Variants in PRDM5 observed in about 807,000 individuals in gnomAD.
PRDM5 encodes the protein PR domain zinc finger protein 5.
PRDM5 carries 56 observed loss-of-function variants against 81.2 expected under a neutral mutation model. That is an observed-to-expected ratio of 0.69 (90% confidence interval 0.56 to 0.86). PRDM5 has a LOEUF of 0.86. Among genes scored for constraint, PRDM5 ranks in the 40% least tolerant of loss-of-function variants. The probability of loss-of-function intolerance (pLI) is 0.00; values close to 1 mark genes in which losing one functional copy is unlikely to be tolerated. For missense variants in PRDM5, 697 were observed against 770.1 expected (o/e 0.91, Z 1.12); for synonymous variants, 267 against 256.4 (o/e 1.04, Z -0.39).
rs200535782 is a variant in PRDM5, at chr4:120,828,023, G to A, written c.301-6678C>T. On this transcript the variant is annotated intron_variant, in intron 3 of 15. Transcript: ENST00000264808. Reference sequence around the variant, plus strand: ...TTTATATAGCACTTTGCAGTTTCTAGTTTTTCATGTACTTTGTCTCATCTT... The same window carrying A: ...TTTATATAGCACTTTGCAGTTTCTAATTTTTCATGTACTTTGTCTCATCTT... 3.0e-4 allele frequency among the ~76,000 whole-genome samples: 46 copies of A among 152,138 alleles called. No homozygotes were observed. The East Asian group carries it at 5.6e-3, about 19-fold the overall frequency.
At chr4:120,826,798 T>C (rs976802488) in intron 3 of PRDM5, among the ~76,000 whole-genome samples, 2 of 152,140 alleles carry the variant, frequency 1.3e-5, no homozygotes, top group African/African-American at 2.4e-5. Context: ...GGAAAGCAGA[T>C]GCCATTTCCT....
intron 2 of PRDM5, among the ~76,000 whole-genome samples, chr4:120,868,310 C>A (rs1761422051): frequency 3.9e-5 from 6 of 152,116 alleles, no homozygotes; most frequent in Admixed American, 3.9e-4. Flanking sequence ...GGGTTTGGGA[C>A]ACCATTCCAT....
intron 13 of PRDM5, among the ~76,000 whole-genome samples, chr4:120,764,955 A>C (rs1295558931): frequency 1.3e-5 from 2 of 152,168 alleles, no homozygotes. Flanking sequence ...ATGTTGTTTT[A>C]AAATGTTTAC....
chr4:120,851,630 A>C (rs915881727), intron 3 of PRDM5, among the ~76,000 whole-genome samples: 2 of 152,104 alleles, frequency 1.3e-5, no homozygotes, highest in Non-Finnish European at 2.9e-5. Flanking sequence ...GCAAAAAGGG[A>C]CAGTAGTCAC....
At chr4:120,709,438 T>C (rs1736638656) in intron 15 of PRDM5, among the ~76,000 whole-genome samples, 1 of 152,216 alleles carries the variant, frequency 6.6e-6, no homozygotes, top group African/African-American at 2.4e-5. Context: ...GAGTACATTG[T>C]TGTCTTAACC....
chr4:120,766,526 T>C (rs1746412698), intron 13 of PRDM5, among the ~76,000 whole-genome samples: 1 of 152,218 alleles, frequency 6.6e-6, no homozygotes, highest in African/African-American at 2.4e-5. Flanking sequence ...ATGTTAAAGT[T>C]ATCTTCAATT....
chr4:120,703,406 T>C (rs1033505607), intron 15 of PRDM5, among the ~76,000 whole-genome samples: 2 of 152,074 alleles, frequency 1.3e-5, no homozygotes, highest in Non-Finnish European at 2.9e-5. Flanking sequence ...CCCAGATTGG[T>C]CTTGAACTCC....
intron 10 of PRDM5, among the ~76,000 whole-genome samples, chr4:120,788,775 T>C (rs13111620): frequency 0.2 from 29,915 of 152,170 alleles, 3,232 homozygotes; most frequent in Non-Finnish European, 0.24. Context: ...AGTAGTAAGA[T>C]GTCTGTGCAT....
chr4:120,878,626 A>G (rs1384882217), intron 2 of PRDM5, among the ~76,000 whole-genome samples: 1 of 152,212 alleles, frequency 6.6e-6, no homozygotes, highest in Non-Finnish European at 1.5e-5. Flanking sequence ...GTGCACAAAA[A>G]GATGAGCCAC....
chr4:120,748,645 A>ATC (rs2149134875), intron 14 of PRDM5, among the ~76,000 whole-genome samples: 1 of 151,596 alleles, frequency 6.6e-6, no homozygotes, highest in African/African-American at 2.4e-5. Context: ...TCTCTCTCAA[A>ATC]AAAAAAAAAA....
At chr4:120,905,329 T>G (rs1765676663) in intron 2 of PRDM5, among the ~76,000 whole-genome samples, 1 of 152,224 alleles carries the variant, frequency 6.6e-6, no homozygotes, top group Non-Finnish European at 1.5e-5. Flanking sequence ...TAGTTTTATG[T>G]ATACTATGGA....
chr4:120,702,108 C>T (rs74905157), intron 15 of PRDM5, among the ~76,000 whole-genome samples: 7,264 of 152,224 alleles, frequency 0.048, 333 homozygotes, highest in African/African-American at 0.12. Flanking sequence ...GTGCAGGACA[C>T]GCTCATACAA....
chr4:120,892,165 C>G (rs1409981030), intron 2 of PRDM5, among the ~76,000 whole-genome samples: 1 of 152,010 alleles, frequency 6.6e-6, no homozygotes, highest in Non-Finnish European at 1.5e-5. Flanking sequence ...GCACTGTGGT[C>G]TGAAAGTGTG....
Position 120,827,270 on chromosome 4 carries a change from G to A in PRDM5, c.301-5925C>T, listed in dbSNP as rs144206214. Among the ~76,000 whole-genome samples, 285 of 152,186 alleles carry A rather than the reference G, an allele frequency of 1.9e-3. 2 individuals carry two copies. The highest frequency in any genetic ancestry group is 6.5e-3 in the African/African-American group (271 of 41,526). On this transcript the variant is annotated intron_variant, in intron 3 of 15. Transcript: ENST00000264808. ...ATATAATATGGAATTCAGATTTGCTGGCAAACACACACACAAAAGCTTCTC... is the reference window on the plus strand; with the variant it reads ...ATATAATATGGAATTCAGATTTGCTAGCAAACACACACACAAAAGCTTCTC...
At chr4:120,915,843 G>A (rs1444803017) in intron 1 of PRDM5, among the ~76,000 whole-genome samples, 4 of 152,060 alleles carry the variant, frequency 2.6e-5, no homozygotes, top group Non-Finnish European at 5.9e-5. Flanking sequence ...CCAGTGCCCA[G>A]GCAGAGAAAC....
At chr4:120,828,038 T>C (rs1223805008) in intron 3 of PRDM5, among the ~76,000 whole-genome samples, 1 of 152,098 alleles carries the variant, frequency 6.6e-6, no homozygotes, top group Non-Finnish European at 1.5e-5. Context: ...TCATGTACTT[T>C]GTCTCATCTT....
chr4:120,869,867 T>A (rs950112106), intron 2 of PRDM5, among the ~76,000 whole-genome samples: 3 of 152,122 alleles, frequency 2.0e-5, no homozygotes, highest in Non-Finnish European at 4.4e-5. Flanking sequence ...GCATCTGAGA[T>A]CTTGTGAAAT....
intron 1 of PRDM5, among the ~76,000 whole-genome samples, chr4:120,921,222 C>A (rs1724869620): frequency 6.6e-6 from 1 of 152,150 alleles, no homozygotes; most frequent in Non-Finnish European, 1.5e-5. Context: ...AGAATTTCAA[C>A]TCTGTACAGA....
chr4:120,771,362 A>C (rs7696791), intron 13 of PRDM5, among the ~76,000 whole-genome samples: 1 of 152,132 alleles, frequency 6.6e-6, no homozygotes, highest in Non-Finnish European at 1.5e-5. Context: ...GGTTACTATG[A>C]TTTAATTTCA....
Sources: gnomAD v4.1 joint callset for allele counts (sites outside exome capture counted in the v4.1 genomes callset) on GRCh38, gnomAD v4.1.1 for gene constraint, MANE v1.5 for transcripts, NCBI Gene and HGNC (gene_info 2026-07-23, HGNC 2026-07-21) for gene names.